CALN1: variants seen among roughly 807,000 people sequenced by gnomAD.
CALN1 encodes the protein calneuron 1.
CALN1 carries 17 observed loss-of-function variants against 30.6 expected under a neutral mutation model. The observed-to-expected ratio is 0.56, with a 90% confidence interval of 0.38 to 0.83. CALN1 has a LOEUF of 0.83. CALN1 is among the 40% of genes least tolerant of loss of function. The pLI is 0.00. For missense variants in CALN1, 291 were observed against 354.9 expected (o/e 0.82, Z 1.45); for synonymous variants, 156 against 131.4 (o/e 1.19, Z -1.28).
intron 5 of CALN1, among the ~76,000 whole-genome samples, chr7:71,843,617 T>A (rs1790069532): frequency 1.3e-5 from 2 of 152,098 alleles, no homozygotes; most frequent in South Asian, 4.2e-4. Flanking sequence ...AGCAAGACAC[T>A]GTCTCTAAAA....
intron 5 of CALN1, among the ~76,000 whole-genome samples, chr7:71,935,647 C>T (rs991282463): frequency 6.6e-6 from 1 of 152,122 alleles, no homozygotes; most frequent in Admixed American, 6.5e-5. Context: ...CGCTTGAACC[C>T]GGGAGGAGAA....
chr7:72,089,929 G>A (rs844724), intron 4 of CALN1, among the ~76,000 whole-genome samples: 110,596 of 152,174 alleles, frequency 0.73, 40,603 homozygotes, highest in East Asian at 1. Context: ...CATAGAGCCA[G>A]TACCTTCATG....
intron 2 of CALN1, among the ~76,000 whole-genome samples, chr7:72,371,731 AGTTTCACCAG>A (rs1204706322): frequency 6.6e-6 from 1 of 152,246 alleles, no homozygotes; most frequent in Non-Finnish European, 1.5e-5. Context: ...GATAACTAAT[AGTTTCACCAG>A]GTTTCACTGA....
chr7:72,450,875 A>AT (rs66502825), upstream of CALN1, among the ~76,000 whole-genome samples: 42,413 of 151,806 alleles, frequency 0.28, 6,932 homozygotes, highest in African/African-American at 0.44. Context: ...TAAAGCCCTA[A>AT]TTTTTTTGAG....
At chr7:72,090,013 A>G (rs1325682925) in intron 4 of CALN1, among the ~76,000 whole-genome samples, 2 of 152,186 alleles carry the variant, frequency 1.3e-5, no homozygotes, top group Non-Finnish European at 2.9e-5. Flanking sequence ...GCATAATGCA[A>G]TGAAAATAGA....
chr7:72,005,303 A>C (rs951778293), intron 5 of CALN1, among the ~76,000 whole-genome samples: 1 of 152,150 alleles, frequency 6.6e-6, no homozygotes, highest in Non-Finnish European at 1.5e-5. Context: ...ATCCTGTAAA[A>C]TACTACTCAG....
At chr7:72,046,036 G>C in intron 4 of CALN1, among the ~76,000 whole-genome samples, 1 of 150,198 alleles carries the variant, frequency 6.7e-6, no homozygotes, top group African/African-American at 2.5e-5. Context: ...ACTAAGGCCA[G>C]GTGCAGGAGC....
At chr7:72,066,058 C>T (rs1301215948) in intron 4 of CALN1, among the ~76,000 whole-genome samples, 1 of 152,236 alleles carries the variant, frequency 6.6e-6, no homozygotes, top group African/African-American at 2.4e-5. Context: ...CTGTCACCTG[C>T]ACCTGTGCTG....
the CALN1 span, among the ~76,000 whole-genome samples, chr7:72,478,257 AT>A: frequency 6.8e-6 from 1 of 147,936 alleles, no homozygotes; most frequent in Admixed American, 6.8e-5. Context: ...TATATATTAT[AT>A]ATATTGCCAC....
At chr7:71,847,011 G>A (rs906448510) in intron 5 of CALN1, among the ~76,000 whole-genome samples, 4 of 149,616 alleles carry the variant, frequency 2.7e-5, no homozygotes, top group African/African-American at 7.4e-5. Flanking sequence ...TATTGCTTAT[G>A]TCATGGAGGC....
chr7:71,849,007 G>A (rs1790483302), intron 5 of CALN1, among the ~76,000 whole-genome samples: 1 of 152,130 alleles, frequency 6.6e-6, no homozygotes, highest in South Asian at 2.1e-4. Flanking sequence ...CTTTCCCCAT[G>A]TGAGGGTTTT....
chr7:72,157,569 A>G (rs1787787808), intron 3 of CALN1, among the ~76,000 whole-genome samples: 1 of 152,194 alleles, frequency 6.6e-6, no homozygotes, highest in African/African-American at 2.4e-5. Flanking sequence ...TTTTAGGAAG[A>G]CAGGGGAAAA....
intron 5 of CALN1, among the ~76,000 whole-genome samples, chr7:71,914,832 C>T (rs1020195142): frequency 1.9e-4 from 29 of 152,134 alleles, no homozygotes; most frequent in African/African-American, 6.7e-4. Flanking sequence ...GATTGTTGGC[C>T]GCATGTATGC....
chr7:71,929,046 T>G (rs1221885304), intron 5 of CALN1, among the ~76,000 whole-genome samples: 1 of 152,200 alleles, frequency 6.6e-6, no homozygotes. Flanking sequence ...TGTGACCTTT[T>G]GGGTCTGGCT....
At chr7:72,347,466 A>G (rs1802707730) in intron 2 of CALN1, among the ~76,000 whole-genome samples, 1 of 151,906 alleles carries the variant, frequency 6.6e-6, no homozygotes, top group Non-Finnish European at 1.5e-5. Context: ...GGGTTTCTCT[A>G]TGTCGGTCAG....
At chr7:72,340,589 T>G (rs996750834) in intron 2 of CALN1, among the ~76,000 whole-genome samples, 1 of 152,212 alleles carries the variant, frequency 6.6e-6, no homozygotes, top group Non-Finnish European at 1.5e-5. Flanking sequence ...AAAACCTTGA[T>G]GCGGATAGCT....
intron 3 of CALN1, among the ~76,000 whole-genome samples, chr7:72,228,739 ATATTTATTTATTTATT>A (rs112888645): frequency 0.011 from 1,676 of 149,342 alleles, 34 homozygotes; most frequent in African/African-American, 0.039. Flanking sequence ...CCTTATTTAT[ATATTTATTTATTTATT>A]TATTTATTTA....
At chr7:72,342,058 C>T (rs1053992538) in intron 2 of CALN1, among the ~76,000 whole-genome samples, 6 of 151,902 alleles carry the variant, frequency 3.9e-5, no homozygotes, top group Admixed American at 6.6e-5. Context: ...TTGAGACCAG[C>T]CAGCCTGGGC....
At chr7:72,499,835 T>G in the CALN1 span, among the ~76,000 whole-genome samples, 1 of 23,776 alleles carries the variant, frequency 4.2e-5, no homozygotes, top group Non-Finnish European at 7.4e-5. Flanking sequence ...CCTTCTTTCT[T>G]TCTTTCTTTC....
Sources: allele counts gnomAD v4.1 joint callset (sites outside exome capture counted in the v4.1 genomes callset), GRCh38; gene constraint gnomAD v4.1.1; transcripts MANE v1.5; gene names NCBI Gene and HGNC (gene_info 2026-07-23, HGNC 2026-07-21).